PDCL2: variants seen among roughly 807,000 people sequenced by gnomAD.
The protein encoded by PDCL2 is phosducin like 2.
PDCL2 carries 23 observed loss-of-function variants against 30.3 expected under a neutral mutation model. The observed-to-expected ratio is 0.76, with a 90% CI of 0.55 to 1.08. The LOEUF (loss-of-function observed/expected upper bound fraction) is 1.08, where lower values mean the gene tolerates loss of function less well. PDCL2 is among the 50% of genes least tolerant of loss of function. The pLI is 0.00. For synonymous variants in PDCL2, 68 were observed against 86.2 expected (o/e 0.79, Z 1.17); for missense variants, 243 against 282.3 (o/e 0.86, Z 1.00).
At chr4:55,566,387 T>C (rs896888701) in intron 4 of PDCL2, among the ~76,000 whole-genome samples, 1 of 151,968 alleles carries the variant, frequency 6.6e-6, no homozygotes, top group South Asian at 2.1e-4. Context: ...ATTTTCAAAA[T>C]ATATGTTTTA....
chr4:55,592,203 CG>C lies in PDCL2; in HGVS notation c.-95del. On this transcript the variant is annotated 5_prime_UTR_variant, in exon 1 of 6. Transcript: ENST00000295645. ...CGCAGCCTTCTCCAGGCTGGAAGAG[CG>C]CCCGCTTCAGGCCCGGCGGTTTCGA... The C allele has an allele frequency of 6.4e-7, 1 of 1,552,886 alleles. No homozygotes were observed. The highest frequency in any genetic ancestry group is 8.7e-7 in the Non-Finnish European group (1 of 1,146,176).
intron 1 of PDCL2, among the ~76,000 whole-genome samples, chr4:55,582,954 G>T (rs1000957902): frequency 6.6e-6 from 1 of 152,030 alleles, no homozygotes; most frequent in African/African-American, 2.4e-5. Context: ...TTTTATGGCT[G>T]CATAGTATTC....
chr4:55,582,144 C>T lies in PDCL2; in HGVS notation c.100G>A (p.Val34Ile). 1 of 1,613,210 alleles carries T rather than the reference C, an allele frequency of 6.2e-7. No homozygotes were observed. The highest frequency in any genetic ancestry group is 1.1e-5 in the South Asian group (1 of 90,810). ...EESKDEIEEM[V>I]LRLQKEAMVK... Reference sequence around the variant, plus strand: ...ATTGCTTCTTTCTGTAAACGTAAAACCATTTCTTCAATTTCATCTTTTGAC... The same window carrying T: ...ATTGCTTCTTTCTGTAAACGTAAAATCATTTCTTCAATTTCATCTTTTGAC... The change falls in exon 2 of 6, where the codon GTT becomes ATT. Residue 34 changes from valine (V) to isoleucine (I), a missense_variant. By Grantham distance (29) the Val-to-Ile change is conservative. Coordinates refer to ENST00000295645, the MANE Select transcript of PDCL2 (RefSeq NM_152401.3).
chr4:55,579,204 C>A (rs1243724636), intron 3 of PDCL2, among the ~76,000 whole-genome samples: 1 of 151,810 alleles, frequency 6.6e-6, no homozygotes, highest in Non-Finnish European at 1.5e-5. Context: ...TACTTCCTTA[C>A]CTACTGGCAA....
chr4:55,574,510 C>A (rs557917344), intron 3 of PDCL2, among the ~76,000 whole-genome samples: 15 of 152,234 alleles, frequency 9.9e-5, no homozygotes, highest in Admixed American at 9.8e-4. Context: ...TTATGTAGCC[C>A]CTAATGAAAC....
At chr4:55,576,204 A>G (rs1732564443) in intron 3 of PDCL2, among the ~76,000 whole-genome samples, 1 of 151,890 alleles carries the variant, frequency 6.6e-6, no homozygotes, top group African/African-American at 2.4e-5. Flanking sequence ...CAATTCTCAC[A>G]CCTAGCCTCC....
rs756587149 is a variant in PDCL2 at position 55,569,854 on chromosome 4, G to T, written c.226C>A (p.Arg76=). ...TTAAGAGCTTTCCATTCCTGTAACC[G>T]CTTCTTTCTAATTAAAACATGAAAT... ...MQAVETYRKK[R]LQEWKALKKK... The change falls in exon 4 of 6, where the codon CGG becomes AGG. Residue 76 remains arginine, a synonymous_variant. Coordinates refer to ENST00000295645, the MANE Select transcript of PDCL2 (RefSeq NM_152401.3). 39 of 1,505,588 alleles carry T rather than the reference G, an allele frequency of 2.6e-5. No individual in the cohort carries two copies. Among genetic ancestry groups the T allele is most frequent in the Middle Eastern group, 1.7e-4 (1 of 5,746 alleles). 93.3% of individuals were successfully genotyped at this position (1,505,588 alleles called of 1,614,324 possible).
Position 55,592,235 on chromosome 4 carries a change from C to G in PDCL2, c.-126G>C. On this transcript the variant is annotated 5_prime_UTR_variant, in exon 1 of 6. Coordinates refer to ENST00000295645, the MANE Select transcript of PDCL2 (RefSeq NM_152401.3). The stretch of plus-strand genomic sequence containing the variant: ...TTCAGGCCCGGCGGTTTCGAGTGAC[C>G]GCCAGAAGAGGGAGAGGCGAACAAG... 2 of 1,388,684 alleles carry G rather than the reference C, an allele frequency of 1.4e-6. No individual in the cohort carries two copies. The highest frequency in any genetic ancestry group is 2.0e-6 in the Non-Finnish European group (2 of 1,014,156). The allele number at this position is 1,388,684 out of a possible 1,614,324, so 86.0% of individuals were successfully genotyped here.
intron 4 of PDCL2, among the ~76,000 whole-genome samples, chr4:55,569,216 T>A (rs1296761947): frequency 2.6e-5 from 4 of 151,496 alleles, no homozygotes; most frequent in Non-Finnish European, 5.9e-5. Context: ...GGAAATATAA[T>A]TTTTTTTTCT....
intron 3 of PDCL2, among the ~76,000 whole-genome samples, chr4:55,575,078 G>T (rs772897204): frequency 1.3e-5 from 2 of 152,184 alleles, no homozygotes; most frequent in Non-Finnish European, 2.9e-5. Flanking sequence ...CCACCTTAGT[G>T]TGTTTGAAGT....
intron 3 of PDCL2, among the ~76,000 whole-genome samples, chr4:55,579,511 TTCA>T: frequency 6.6e-6 from 1 of 152,022 alleles, no homozygotes; most frequent in Non-Finnish European, 1.5e-5. Context: ...AGACACGGGT[TTCA>T]TCATGTTTGC....
At chr4:55,567,315 T>C (rs931065148) in intron 4 of PDCL2, among the ~76,000 whole-genome samples, 4 of 152,200 alleles carry the variant, frequency 2.6e-5, no homozygotes, top group African/African-American at 9.7e-5. Context: ...GGAGGATCAC[T>C]TGAAGCCAGG....
intron 5 of PDCL2, among the ~76,000 whole-genome samples, chr4:55,558,086 C>T (rs1023625603): frequency 6.8e-6 from 1 of 146,148 alleles, no homozygotes; most frequent in Non-Finnish European, 1.5e-5. Flanking sequence ...GAGATCGCGC[C>T]ATTGCACTCC....
At chr4:55,580,400 T>A (rs1441996683) in intron 3 of PDCL2, among the ~76,000 whole-genome samples, 3 of 152,096 alleles carry the variant, frequency 2.0e-5, no homozygotes, top group Non-Finnish European at 4.4e-5. Context: ...CCCAACTTAT[T>A]TTAGTTGTGA....
chr4:55,589,357 A>G (rs898666175), intron 1 of PDCL2, among the ~76,000 whole-genome samples: 7 of 152,158 alleles, frequency 4.6e-5, no homozygotes, highest in African/African-American at 1.7e-4. Flanking sequence ...CTTCCTCTAC[A>G]GAGGATTTAT....
chr4:55,584,144 G>C (rs1732797214), intron 1 of PDCL2, among the ~76,000 whole-genome samples: 2 of 151,686 alleles, frequency 1.3e-5, no homozygotes, highest in Admixed American at 6.6e-5. Flanking sequence ...TTATTCCTAA[G>C]TATTTACTTT....
chr4:55,577,642 A>G (rs13133077), intron 3 of PDCL2, among the ~76,000 whole-genome samples: 114,878 of 152,138 alleles, frequency 0.76, 43,767 homozygotes, highest in East Asian at 0.9. Flanking sequence ...AACTGGGGAC[A>G]AAGATCAGAT....
intron 5 of PDCL2, among the ~76,000 whole-genome samples, chr4:55,560,173 T>C (rs1259996492): frequency 2.1e-5 from 2 of 96,644 alleles, no homozygotes; most frequent in Non-Finnish European, 2.0e-5. Context: ...TTCATTGATA[T>C]CTGTCTCAAA....
chr4:55,561,920 A>C lies in PDCL2; in HGVS notation c.571+484T>G, dbSNP rs550742373. Among the ~76,000 whole-genome samples, 6 of 152,338 alleles carry C rather than the reference A, an allele frequency of 3.9e-5. No homozygotes were observed. The South Asian group carries it at 1.2e-3, about 32-fold the overall frequency. ...ACACTACAGAAATTCAGTAGAGAAGAAAAAGATTACGAATTGGTCCAATAT... is the reference window on the plus strand; with the variant it reads ...ACACTACAGAAATTCAGTAGAGAAGCAAAAGATTACGAATTGGTCCAATAT... On this transcript the variant is annotated intron_variant, in intron 5 of 5. Coordinates refer to ENST00000295645, the MANE Select transcript of PDCL2 (RefSeq NM_152401.3).
Sources: allele counts gnomAD v4.1 joint callset (sites outside exome capture counted in the v4.1 genomes callset), GRCh38; gene constraint gnomAD v4.1.1; transcripts MANE v1.5; gene names NCBI Gene and HGNC (gene_info 2026-07-23, HGNC 2026-07-21).